RAB3GAP1: variants seen among roughly 807,000 people sequenced by gnomAD.
The protein encoded by RAB3GAP1 is RAB3 GTPase activating protein catalytic subunit 1.
RAB3GAP1 carries 86 observed loss-of-function variants against 130.7 expected under a neutral mutation model. The observed-to-expected ratio is 0.66, with a 90% CI of 0.55 to 0.79. The LOEUF (loss-of-function observed/expected upper bound fraction) is 0.79. RAB3GAP1 is among the 30% of genes least tolerant of loss of function. RAB3GAP1 has a pLI of 0.00. For synonymous variants in RAB3GAP1, 367 were observed against 401.7 expected (o/e 0.91, Z 1.03); for missense variants, 1,029 against 1,169.4 (o/e 0.88, Z 1.75).
At chr2:135,066,164 T>C (rs1271601344) in intron 3 of RAB3GAP1, among the ~76,000 whole-genome samples, 2 of 152,198 alleles carry the variant, frequency 1.3e-5, no homozygotes, top group African/African-American at 2.4e-5. Flanking sequence ...TGTTGTCAGA[T>C]ACACTTTCTT....
At position 135,141,696 on chromosome 2, in the gene RAB3GAP1, T is replaced by A. The variant is rs1691845865; in HGVS notation, c.1923+5764T>A. On this transcript the variant is annotated intron_variant, in intron 17 of 23. Transcript: ENST00000264158. ...TTTGGAAGCTTTATTGTTTTACCTA[T>A]ATCATTTGTTTGTGACCCACCTCAA... Among the ~76,000 whole-genome samples the A allele has an allele frequency of 1.3e-5, 2 of 152,238 alleles. 1 individual carries two copies. The highest frequency in any genetic ancestry group is 4.1e-4 in the South Asian group (2 of 4,832).
chr2:135,064,864 A>C (rs1689273556), intron 3 of RAB3GAP1, among the ~76,000 whole-genome samples: 1 of 151,566 alleles, frequency 6.6e-6, no homozygotes, highest in Non-Finnish European at 1.5e-5. Context: ...TGTAAGCATA[A>C]ATTTTCATTC....
chr2:135,102,784 G>C (rs1481958761), intron 5 of RAB3GAP1, among the ~76,000 whole-genome samples: 2 of 152,044 alleles, frequency 1.3e-5, no homozygotes, highest in Admixed American at 1.3e-4. Context: ...GGGATGCCAA[G>C]GCGGGCGGAT....
downstream of RAB3GAP1, among the ~76,000 whole-genome samples, chr2:135,175,154 T>G (rs1026248592): frequency 6.6e-6 from 1 of 152,226 alleles, no homozygotes; most frequent in African/African-American, 2.4e-5. Context: ...TGAATAAGTG[T>G]GTAGGCTCCC....
At position 135,153,744 on chromosome 2, in the gene RAB3GAP1, G is replaced by A. The variant is rs763842665; in HGVS notation, c.2157G>A (p.Val719=). ...AGGTGATTGATGAAAAGGGCAATGT[G>A]GTGCTGAAAGGAGAACTGAGTGCCC... ...EEEVIDEKGN[V]VLKGELSARM... is the part of the protein sequence containing the mutation. Residue 719 remains valine, a synonymous_variant, in exon 19 of 24, where the codon GTG becomes GTA. Coordinates refer to ENST00000264158, the MANE Select transcript of RAB3GAP1 (RefSeq NM_012233.3). 6.2e-7 allele frequency: 1 copy of A among 1,614,044 alleles called. No homozygotes were observed. Among genetic ancestry groups the A allele is most frequent in the Non-Finnish European group, 8.5e-7 (1 of 1,179,934 alleles).
chr2:135,151,779 G>A (rs150701402), intron 18 of RAB3GAP1, among the ~76,000 whole-genome samples: 1 of 152,330 alleles, frequency 6.6e-6, no homozygotes. Flanking sequence ...ACCAGCCTCC[G>A]CAGCAGTAAT....
At chr2:135,138,113 C>T (rs1691728754) in intron 17 of RAB3GAP1, among the ~76,000 whole-genome samples, 1 of 151,818 alleles carries the variant, frequency 6.6e-6, no homozygotes, top group Admixed American at 6.6e-5. Flanking sequence ...AGACATGATC[C>T]ACTGCACCCG....
chr2:135,113,013 T>C (rs1690859429), intron 5 of RAB3GAP1, 138 bp from the exon 6 acceptor site: 3 of 1,148,214 alleles, frequency 2.6e-6, no homozygotes, highest in East Asian at 2.4e-5. Context: ...GTAGGTTCTG[T>C]TGCCATTAAA....
At chr2:135,059,669 CAATT>C (rs1238134224) in intron 3 of RAB3GAP1, among the ~76,000 whole-genome samples, 1 of 151,978 alleles carries the variant, frequency 6.6e-6, no homozygotes, top group Admixed American at 6.6e-5. Context: ...AATGTACAGT[CAATT>C]AGTGTTAACT....
chr2:135,073,647 G>A (rs1039773533), intron 3 of RAB3GAP1, among the ~76,000 whole-genome samples: 2 of 152,208 alleles, frequency 1.3e-5, no homozygotes, highest in Non-Finnish European at 2.9e-5. Context: ...CAGCACTTGA[G>A]CCTGACTTGT....
intron 8 of RAB3GAP1, among the ~76,000 whole-genome samples, chr2:135,121,960 G>A (rs1312950976): frequency 6.6e-6 from 1 of 152,064 alleles, no homozygotes; most frequent in Non-Finnish European, 1.5e-5. Flanking sequence ...AGGTGCAGTG[G>A]CAGGAGCCTA....
intron 19 of RAB3GAP1, among the ~76,000 whole-genome samples, chr2:135,157,058 G>A (rs1489270217): frequency 3.9e-5 from 6 of 152,036 alleles, no homozygotes; most frequent in Non-Finnish European, 7.4e-5. Context: ...AAAACAAAAC[G>A]CTCCTCAAAA....
chr2:135,172,994 C>T (rs952161249), downstream of RAB3GAP1, among the ~76,000 whole-genome samples: 1 of 152,100 alleles, frequency 6.6e-6, no homozygotes, highest in African/African-American at 2.4e-5. Context: ...AAGGTCCCTG[C>T]CAACAGCCAC....
intron 19 of RAB3GAP1, among the ~76,000 whole-genome samples, chr2:135,154,761 C>G (rs1692263905): frequency 6.6e-6 from 1 of 151,868 alleles, no homozygotes; most frequent in Non-Finnish European, 1.5e-5. Context: ...AGAAATGGAG[C>G]CTTGGAGAAA....
At chr2:135,055,733 T>C (rs1688989333) in intron 2 of RAB3GAP1, among the ~76,000 whole-genome samples, 1 of 151,312 alleles carries the variant, frequency 6.6e-6, no homozygotes, top group African/African-American at 2.4e-5. Flanking sequence ...ATATTTTAAA[T>C]AGTTTTCACT....
At chr2:135,069,993 C>T (rs1434342164) in intron 3 of RAB3GAP1, among the ~76,000 whole-genome samples, 1 of 152,120 alleles carries the variant, frequency 6.6e-6, no homozygotes, top group African/African-American at 2.4e-5. Context: ...AAATAATTAC[C>T]TTGAAGCCAC....
At chr2:135,082,196 TTATA>T (rs1463398738) in intron 3 of RAB3GAP1, among the ~76,000 whole-genome samples, 1 of 150,600 alleles carries the variant, frequency 6.6e-6, no homozygotes, top group Non-Finnish European at 1.5e-5. Flanking sequence ...GAAATAAAAT[TTATA>T]TACCATAAAA....
chr2:135,099,543 G>T (rs1306672528), intron 5 of RAB3GAP1, among the ~76,000 whole-genome samples: 1 of 151,814 alleles, frequency 6.6e-6, no homozygotes, highest in Non-Finnish European at 1.5e-5. Flanking sequence ...TGGGATGTTG[G>T]TCTGTAATTT....
downstream of RAB3GAP1, among the ~76,000 whole-genome samples, chr2:135,173,647 A>C (rs1692923295): frequency 6.6e-6 from 1 of 152,200 alleles, no homozygotes; most frequent in Non-Finnish European, 1.5e-5. Flanking sequence ...GGGTGCACTT[A>C]AAACTTCTGC....
Sources: gnomAD v4.1 joint callset for allele counts (sites outside exome capture counted in the v4.1 genomes callset) on GRCh38, gnomAD v4.1.1 for gene constraint, MANE v1.5 for transcripts, NCBI Gene and HGNC (gene_info 2026-07-23, HGNC 2026-07-21) for gene names.